The following FAM193A variants were observed in gnomAD, a reference collection of about 807,000 sequenced individuals.
FAM193A encodes protein FAM193A.
Under a neutral mutation model 126.5 loss-of-function variants are expected in FAM193A, and 22 were observed. The ratio of observed to expected loss-of-function variants is 0.17; its 90% CI spans 0.12 to 0.25. The LOEUF (loss-of-function observed/expected upper bound fraction) is 0.25. Ranked by LOEUF, FAM193A falls within the 10% of genes least tolerant of loss-of-function variation. The pLI, the probability that FAM193A is intolerant of heterozygous loss-of-function variation, is 1.00. For synonymous variants in FAM193A, 761 were observed against 646.8 expected (o/e 1.18, Z -2.68); for missense variants, 1,675 against 1,672.8 (o/e 1.00, Z -0.02).
At chr4:2,597,975 G>A (rs990590439) in intron 2 of FAM193A, among the ~76,000 whole-genome samples, 3 of 151,968 alleles carry the variant, frequency 2.0e-5, no homozygotes, top group African/African-American at 7.3e-5. Context: ...CACAATCTTG[G>A]CTCACTGCAA....
chr4:2,689,409 T>A, intron 13 of FAM193A, 97 bp from the exon 14 acceptor site: 19 of 820,482 alleles, frequency 2.3e-5, no homozygotes, highest in Admixed American at 6.8e-5. Flanking sequence ...GCACATCCCA[T>A]GAGGCTCATA....
intron 19 of FAM193A, among the ~76,000 whole-genome samples, chr4:2,703,452 G>A (rs992228434): frequency 1.3e-5 from 2 of 152,076 alleles, no homozygotes; most frequent in Admixed American, 6.6e-5. Context: ...TCACCATGTT[G>A]GCCAGATTGG....
At chr4:2,587,666 C>T (rs1451700800) in intron 1 of FAM193A, among the ~76,000 whole-genome samples, 1 of 151,830 alleles carries the variant, frequency 6.6e-6, no homozygotes, top group African/African-American at 2.4e-5. Flanking sequence ...TGCAGTCCAG[C>T]CTAGGCAACA....
chr4:2,608,133 A>C, intron 2 of FAM193A: 2 of 1,595,910 alleles, frequency 1.3e-6, no homozygotes, highest in Non-Finnish European at 1.7e-6. Context: ...TTGTAGATTG[A>C]TCTTAACCTG....
chr4:2,536,309 G>C (rs1736868399), upstream of FAM193A, among the ~76,000 whole-genome samples: 1 of 151,678 alleles, frequency 6.6e-6, no homozygotes, highest in African/African-American at 2.4e-5. Flanking sequence ...AGGCCGCGCG[G>C]CGCGGGCGGG....
rs918978482 is a variant in FAM193A, at chr4:2,732,206, G to A, written c.*338G>A. On this transcript the variant is annotated 3_prime_UTR_variant, in exon 21 of 21. Transcript: ENST00000637812. ...CGTGGCTCCGTTGCCTCTGCATTGC[G>A]CCCTGTCCTGTCATGTGTCCTCACC... 6 of 352,620 alleles carry A rather than the reference G, an allele frequency of 1.7e-5. No homozygotes were observed. Among genetic ancestry groups the A allele is most frequent in the East Asian group, 6.8e-5 (1 of 14,618 alleles). 21.8% of individuals were successfully genotyped at this position (352,620 alleles called of 1,614,324 possible).
chr4:2,547,737 T>G (rs1737655523), intron 1 of FAM193A, among the ~76,000 whole-genome samples: 1 of 151,802 alleles, frequency 6.6e-6, no homozygotes, highest in Admixed American at 6.6e-5. Flanking sequence ...GCAATTCTCC[T>G]GCCTCAGCCT....
At chr4:2,731,209 A>AC (rs2109452349) in intron 20 of FAM193A, among the ~76,000 whole-genome samples, 1 of 64,066 alleles carries the variant, frequency 1.6e-5, no homozygotes, top group East Asian at 5.4e-4. Context: ...AAAAAAAAAA[A>AC]AAAAAAAAAA....
At chr4:2,613,958 A>G (rs1019026634) in intron 2 of FAM193A, among the ~76,000 whole-genome samples, 1 of 150,452 alleles carries the variant, frequency 6.6e-6, no homozygotes, top group Non-Finnish European at 1.5e-5. Flanking sequence ...TATTTTTAGT[A>G]GAGACGGGGT....
upstream of FAM193A, among the ~76,000 whole-genome samples, chr4:2,536,015 G>A (rs1736851844): frequency 6.6e-6 from 1 of 152,116 alleles, no homozygotes. Flanking sequence ...GGATTCTGTG[G>A]TCCTCACTGA....
At chr4:2,728,895 ACTT>A (rs1721059511) in intron 20 of FAM193A, among the ~76,000 whole-genome samples, 2 of 105,708 alleles carry the variant, frequency 1.9e-5, no homozygotes. Context: ...CACCTCCAAA[ACTT>A]TTTTTTTTTT....
At chr4:2,560,779 TTG>T (rs1738563725) in intron 1 of FAM193A, among the ~76,000 whole-genome samples, 1 of 152,152 alleles carries the variant, frequency 6.6e-6, no homozygotes, top group African/African-American at 2.4e-5. Context: ...TGTATTCAGA[TTG>T]TGTCTTTCTT....
intron 19 of FAM193A, among the ~76,000 whole-genome samples, chr4:2,705,558 C>T (rs895168297): frequency 3.3e-5 from 5 of 151,352 alleles, no homozygotes; most frequent in East Asian, 1.9e-4. Flanking sequence ...AAATGGTTAG[C>T]GAGTGGTCCC....
intron 19 of FAM193A, among the ~76,000 whole-genome samples, chr4:2,700,925 G>A (rs903057863): frequency 3.9e-5 from 6 of 152,064 alleles, no homozygotes; most frequent in Non-Finnish European, 4.4e-5. Context: ...AGATCATGCC[G>A]TTGCACTCCA....
intron 2 of FAM193A, among the ~76,000 whole-genome samples, chr4:2,613,378 CT>C (rs552205895): frequency 0.066 from 8,011 of 120,648 alleles, 211 homozygotes; most frequent in Middle Eastern, 0.11. Flanking sequence ...AGAAATTCAG[CT>C]TTTTTTTTTT....
In FAM193A at chr4:2,630,918, C is replaced by T; in HGVS notation, c.804-17C>T. 6.8e-7 allele frequency: 1 copy of T among 1,472,256 alleles called. No individual in the cohort carries two copies. The highest frequency in any genetic ancestry group is 9.5e-7 in the Non-Finnish European group (1 of 1,057,228). The allele number at this position is 1,472,256 out of a possible 1,614,324, so 91.2% of individuals were successfully genotyped here. ...GGCCCTGGTGGGCAGGCCCTGGTGA[C>T]CCTCTTCTCTGTGCAGGCTCTGCGA... On this transcript the variant is annotated splice_polypyrimidine_tract_variant and intron_variant, in intron 4 of 20. Coordinates refer to ENST00000637812, the MANE Select transcript of FAM193A (RefSeq NM_001366318.2).
At chr4:2,649,243 G>C (rs113483738) in intron 7 of FAM193A, among the ~76,000 whole-genome samples, 1 of 151,576 alleles carries the variant, frequency 6.6e-6, no homozygotes, top group African/African-American at 2.4e-5. Context: ...GCTGGGTGCC[G>C]TGTGTTTGTG....
chr4:2,672,136 A>T lies in FAM193A; in HGVS notation c.2095A>T (p.Asn699Tyr). ...TTCCTCTTAGGCTGAACAAGCTCCA[A>T]ACACTTGTGAATGTCATGTTTGTAA... is the stretch of plus-strand genomic sequence containing the variant. The part of the protein sequence containing the change: ...YPTQQAEQAP[N>Y]TCECHVCKQE... Residue 699 changes from asparagine to tyrosine, a missense_variant, in exon 13 of 21, where the codon AAC (asparagine) becomes TAC (tyrosine). Physicochemically the swap from Asn to Tyr is moderately radical, Grantham distance 143. Around this residue, in one of 4 missense-constraint regions of FAM193A, gnomAD observed 1,186 missense variants for 1,109.2 expected, o/e 1.07. Transcript: ENST00000637812. 6.2e-7 allele frequency: 1 copy of T among 1,614,190 alleles called. No individual in the cohort carries two copies. Among genetic ancestry groups the T allele is most frequent in the South Asian group, 1.1e-5 (1 of 91,074 alleles).
upstream of FAM193A, among the ~76,000 whole-genome samples, chr4:2,535,431 G>C (rs944534270): frequency 3.3e-5 from 5 of 152,222 alleles, no homozygotes; most frequent in Non-Finnish European, 7.3e-5. Flanking sequence ...GGGGAGCCTG[G>C]CAGGCCGTAC....
Sources: gnomAD v4.1 joint callset for allele counts (sites outside exome capture counted in the v4.1 genomes callset) on GRCh38, gnomAD v4.1.1 for gene constraint, gnomAD v4.1.1 regional missense constraint, MANE v1.5 for transcripts, NCBI Gene and HGNC (gene_info 2026-07-23, HGNC 2026-07-21) for gene names.